The following PRKAG2 variants were observed in gnomAD, a reference collection of about 807,000 sequenced individuals.
PRKAG2 encodes the protein protein kinase AMP-activated non-catalytic subunit gamma 2, also known as 5'-AMP-activated protein kinase subunit gamma-2.
In PRKAG2, 26 loss-of-function variants were observed where a neutral mutation model predicts 69.6. The ratio of observed to expected loss-of-function variants is 0.37; its 90% CI spans 0.27 to 0.52. PRKAG2 has a LOEUF of 0.52. Among genes scored for constraint, PRKAG2 ranks in the 20% least tolerant of loss-of-function variants. The pLI is 0.90. For missense variants in PRKAG2, 557 were observed against 740.0 expected (o/e 0.75, Z 2.87); for synonymous variants, 293 against 285.0 (o/e 1.03, Z -0.28).
chr7:151,637,133 A>G (rs930964645), intron 4 of PRKAG2, among the ~76,000 whole-genome samples: 3 of 152,184 alleles, frequency 2.0e-5, no homozygotes, highest in Non-Finnish European at 4.4e-5. Flanking sequence ...AGATGTTACC[A>G]CTGCGGGGAA....
intron 4 of PRKAG2, among the ~76,000 whole-genome samples, chr7:151,635,626 G>A (rs1037685303): frequency 1.3e-5 from 2 of 152,122 alleles, no homozygotes; most frequent in African/African-American, 4.8e-5. Flanking sequence ...TTATATTATA[G>A]TCTTGAAATA....
intron 3 of PRKAG2, among the ~76,000 whole-genome samples, chr7:151,705,951 C>T (rs77484058): frequency 6.6e-6 from 1 of 151,724 alleles, no homozygotes; most frequent in African/African-American, 2.4e-5. Context: ...CCCAAGTTCA[C>T]TGTTGTTGAG....
intron 3 of PRKAG2, among the ~76,000 whole-genome samples, chr7:151,751,984 C>G (rs2074724230): frequency 6.6e-6 from 1 of 152,116 alleles, no homozygotes; most frequent in South Asian, 2.1e-4. Flanking sequence ...GAGGAATGTA[C>G]AAGATCAGCC....
At chr7:151,668,923 T>A (rs1831419989) in intron 4 of PRKAG2, among the ~76,000 whole-genome samples, 1 of 152,218 alleles carries the variant, frequency 6.6e-6, no homozygotes, top group Admixed American at 6.5e-5. Context: ...TGGGAGTGAC[T>A]GCTGTGGAAG....
chr7:151,623,701 C>T (rs973861416), intron 5 of PRKAG2, among the ~76,000 whole-genome samples: 1 of 152,124 alleles, frequency 6.6e-6, no homozygotes, highest in African/African-American at 2.4e-5. Flanking sequence ...AAGAAACTTA[C>T]TAAAGTTCTC....
intron 1 of PRKAG2, among the ~76,000 whole-genome samples, chr7:151,801,421 C>T (rs928319471): frequency 3.1e-4 from 47 of 152,082 alleles, no homozygotes; most frequent in Admixed American, 6.5e-4. Flanking sequence ...CCTTGGCCCC[C>T]AGGCTGGGGC....
rs73728231 is a variant in PRKAG2, at chr7:151,663,896, A to T, written c.684+11524T>A. Reference sequence around the variant, plus strand: ...GCACAGATTAGTCACAGATTGGCAAACTTTCTGAAAAAAGCCCAGATAGAA... The same window carrying T: ...GCACAGATTAGTCACAGATTGGCAATCTTTCTGAAAAAAGCCCAGATAGAA... On this transcript the variant is annotated intron_variant, in intron 4 of 15. Transcript: ENST00000287878. Among the ~76,000 whole-genome samples the T allele has an allele frequency of 4.8e-3, 729 of 152,332 alleles. 3 individuals are homozygous for T. Among genetic ancestry groups the T allele is most frequent in the African/African-American group, 0.017 (701 of 41,574 alleles).
intron 3 of PRKAG2, among the ~76,000 whole-genome samples, chr7:151,761,240 T>C (rs540531512): frequency 4.6e-4 from 70 of 152,282 alleles, no homozygotes; most frequent in Non-Finnish European, 4.6e-4. Flanking sequence ...TAAAACACCA[T>C]TGCAAAACTA....
chr7:151,868,623 A>G (rs1325311516), intron 1 of PRKAG2, among the ~76,000 whole-genome samples: 3 of 152,238 alleles, frequency 2.0e-5, no homozygotes, highest in East Asian at 3.9e-4. Context: ...GACGGCAGAC[A>G]GCTGGTGCTT....
chr7:151,576,080 T>C (rs924393243), intron 7 of PRKAG2: 12 of 410,962 alleles, frequency 2.9e-5, no homozygotes, highest in African/African-American at 6.2e-5. Flanking sequence ...CAAGTGATCC[T>C]CCCACCTCAG....
Position 151,784,205 on chromosome 7 carries a change from C to T in PRKAG2, c.186+2265G>A, listed in dbSNP as rs1468224160. On this transcript the variant is annotated intron_variant, in intron 2 of 15. Transcript: ENST00000287878. ...GTGTGAACCGGAAGAGGAGCCGAGG[C>T]CACATGGGAGGACCGGAGGGAGGGG... 2.6e-5 allele frequency among the ~76,000 whole-genome samples: 4 copies of T among 152,232 alleles called. No individual in the cohort carries two copies. In the East Asian group the frequency reaches 7.7e-4, roughly 29 times the overall value.
intron 3 of PRKAG2, among the ~76,000 whole-genome samples, chr7:151,698,394 C>T (rs1837063452): frequency 6.6e-6 from 1 of 152,072 alleles, no homozygotes; most frequent in Non-Finnish European, 1.5e-5. Context: ...GGTGTTTTGT[C>T]CCCTCCGAAT....
chr7:151,648,389 T>A (rs1173812032), intron 4 of PRKAG2, among the ~76,000 whole-genome samples: 1 of 152,188 alleles, frequency 6.6e-6, no homozygotes, highest in African/African-American at 2.4e-5. Flanking sequence ...GCATCTTGCA[T>A]CCCACCGTGG....
intron 3 of PRKAG2, among the ~76,000 whole-genome samples, chr7:151,688,570 T>C (rs1371578671): frequency 1.3e-5 from 2 of 152,200 alleles, no homozygotes; most frequent in African/African-American, 4.8e-5. Flanking sequence ...CCCTGCCCTG[T>C]GCTGGCCAGG....
At chr7:151,848,223 G>T (rs1446432232) in intron 1 of PRKAG2, among the ~76,000 whole-genome samples, 1 of 152,156 alleles carries the variant, frequency 6.6e-6, no homozygotes, top group African/African-American at 2.4e-5. Flanking sequence ...AGTGGGCTTG[G>T]GGGTGGTTAG....
intron 3 of PRKAG2, among the ~76,000 whole-genome samples, chr7:151,742,230 A>AT (rs1376855489): frequency 5.0e-5 from 4 of 80,582 alleles, no homozygotes; most frequent in Admixed American, 2.7e-4. Context: ...CCTGAATCCC[A>AT]TAGGACTCCA....
intron 4 of PRKAG2, among the ~76,000 whole-genome samples, chr7:151,666,890 G>C (rs1831126462): frequency 6.6e-6 from 1 of 152,110 alleles, no homozygotes; most frequent in Non-Finnish European, 1.5e-5. Context: ...AAATGAAGGG[G>C]AGAAAAATCC....
chr7:151,836,648 T>TAGC lies in PRKAG2; in HGVS notation c.114+39858_114+39859insGCT, dbSNP rs1296010292. 6.6e-6 allele frequency among the ~76,000 whole-genome samples: 1 copy of TAGC among 152,186 alleles called. No homozygotes were observed. The highest frequency in any genetic ancestry group is 1.5e-5 in the Non-Finnish European group (1 of 68,028). ...CCAGCTGTGCCTCTGGCCTCCTGTC[T>TAGC]GGGTGCAGCCTTAGCGGGGCACAGG... is the stretch of plus-strand genomic sequence containing the variant. On this transcript the variant is annotated intron_variant, in intron 1 of 15. Transcript: ENST00000287878. The surrounding 1 kb of genome is among the most constrained non-coding windows in gnomAD (Gnocchi z 4.1).
intron 3 of PRKAG2, among the ~76,000 whole-genome samples, chr7:151,765,158 C>A (rs900230701): frequency 1.8e-4 from 27 of 152,110 alleles, no homozygotes; most frequent in African/African-American, 4.8e-4. Flanking sequence ...GTAACTTATG[C>A]AGAAAAAAAG....
Sources: allele counts gnomAD v4.1 joint callset (sites outside exome capture counted in the v4.1 genomes callset), GRCh38; gene constraint gnomAD v4.1.1; non-coding constraint Gnocchi (gnomAD v3.1); transcripts MANE v1.5; gene names NCBI Gene and HGNC (gene_info 2026-07-23, HGNC 2026-07-21).